The following GLRB variants were observed in gnomAD, a reference collection of about 807,000 sequenced individuals.
The protein encoded by GLRB is glycine receptor subunit beta.
A neutral mutation model predicts 54.2 loss-of-function variants in GLRB; 33 were observed. That is an observed-to-expected ratio of 0.61 (90% confidence interval 0.46 to 0.81). The LOEUF (loss-of-function observed/expected upper bound fraction) is 0.81. Ranked by LOEUF, GLRB falls within the 40% of genes least tolerant of loss-of-function variation. GLRB has a pLI of 0.00. For missense variants in GLRB, 572 were observed against 584.6 expected (o/e 0.98, Z 0.22); for synonymous variants, 209 against 208.2 (o/e 1.00, Z -0.03).
intron 4 of GLRB, among the ~76,000 whole-genome samples, chr4:157,135,597 T>C (rs1198243538): frequency 6.6e-6 from 1 of 152,124 alleles, no homozygotes; most frequent in African/African-American, 2.4e-5. Context: ...CCTTCTGTCA[T>C]GACTGTGAGG....
intron 2 of GLRB, among the ~76,000 whole-genome samples, chr4:157,098,600 T>C (rs1199147928): frequency 1.3e-5 from 2 of 151,808 alleles, no homozygotes; most frequent in African/African-American, 4.8e-5. Context: ...ATCACTTTTT[T>C]CTCTTCTTTT....
chr4:157,088,013 A>T (rs2126441985), intron 2 of GLRB, among the ~76,000 whole-genome samples: 1 of 152,256 alleles, frequency 6.6e-6, no homozygotes, highest in Admixed American at 6.5e-5. Context: ...ATGTACATAC[A>T]AATGGTTCCT....
At chr4:157,148,088 G>T (rs1736883866) in intron 8 of GLRB, among the ~76,000 whole-genome samples, 1 of 152,134 alleles carries the variant, frequency 6.6e-6, no homozygotes, top group South Asian at 2.1e-4. Flanking sequence ...TTAAACAGTT[G>T]TGTGGGCTAC....
At chr4:157,105,495 G>T (rs1010325208) in intron 2 of GLRB, among the ~76,000 whole-genome samples, 3 of 151,960 alleles carry the variant, frequency 2.0e-5, no homozygotes, top group African/African-American at 7.2e-5. Context: ...TAGTTCTTCT[G>T]CTGTTGGATG....
At chr4:157,108,533 G>A (rs780198928) in intron 2 of GLRB, among the ~76,000 whole-genome samples, 106 of 152,036 alleles carry the variant, frequency 7.0e-4, no homozygotes, top group Non-Finnish European at 3.7e-4. Flanking sequence ...AATTAAAACT[G>A]GAACCTGAAA....
At chr4:157,156,694 C>A (rs915908978) in intron 9 of GLRB, among the ~76,000 whole-genome samples, 5 of 151,808 alleles carry the variant, frequency 3.3e-5, no homozygotes, top group African/African-American at 1.2e-4. Flanking sequence ...TTCATTTGTT[C>A]CAATCATGTT....
chr4:157,090,171 G>A (rs1468728193), intron 2 of GLRB, among the ~76,000 whole-genome samples: 6 of 152,126 alleles, frequency 3.9e-5, no homozygotes, highest in African/African-American at 1.4e-4. Context: ...CCTAGAGCAT[G>A]TTTAGGGACA....
intron 2 of GLRB, among the ~76,000 whole-genome samples, chr4:157,091,936 A>G (rs1579189308): frequency 6.6e-6 from 1 of 151,982 alleles, no homozygotes; most frequent in Non-Finnish European, 1.5e-5. Context: ...TACTCTATGA[A>G]CTCCCTGCCA....
intron 9 of GLRB, among the ~76,000 whole-genome samples, chr4:157,153,321 A>G (rs572534723): frequency 6.6e-5 from 10 of 152,282 alleles, no homozygotes; most frequent in Non-Finnish European, 1.2e-4. Flanking sequence ...ACCTTGCTGG[A>G]TGGAGCACAG....
intron 4 of GLRB, among the ~76,000 whole-genome samples, chr4:157,129,593 T>C (rs1051710167): frequency 6.6e-6 from 1 of 151,754 alleles, no homozygotes; most frequent in Non-Finnish European, 1.5e-5. Flanking sequence ...TAGAAAAGAA[T>C]CTTTGAAGCA....
intron 4 of GLRB, among the ~76,000 whole-genome samples, chr4:157,135,745 CA>C (rs1018050610): frequency 7.6e-4 from 115 of 152,194 alleles, no homozygotes; most frequent in African/African-American, 2.7e-3. Context: ...GTGTATATTT[CA>C]AGGAAGATTT....
chr4:157,160,117 G>C (rs956032106), intron 9 of GLRB, among the ~76,000 whole-genome samples: 10 of 152,122 alleles, frequency 6.6e-5, no homozygotes, highest in African/African-American at 2.4e-4. Context: ...TAGTTTATTT[G>C]TGTAGAGGTG....
rs1737073395 is a variant in GLRB at position 157,152,774 on chromosome 4, C to T, written c.961C>T (p.Pro321Ser). 2 of 1,613,778 alleles carry T rather than the reference C, an allele frequency of 1.2e-6. No homozygotes were observed. Among genetic ancestry groups the T allele is most frequent in the Non-Finnish European group, 1.7e-6 (2 of 1,179,742 alleles). The change falls in exon 9 of 10, where the codon CCC becomes TCC. Residue 321 changes from proline to serine, a missense_variant. Transcript: ENST00000264428. ...SECTTLAAELPKVSYVKALDV... is the reference protein window; with the variant it reads ...SECTTLAAELSKVSYVKALDV... Reference sequence around the variant, plus strand: ...GTGCACAACCCTTGCCGCTGAGCTTCCCAAAGTTTCCTATGTGAAGGCTCT... The same window carrying T: ...GTGCACAACCCTTGCCGCTGAGCTTTCCAAAGTTTCCTATGTGAAGGCTCT...
At chr4:157,166,501 C>G (rs1172831585) in intron 9 of GLRB, among the ~76,000 whole-genome samples, 2 of 151,930 alleles carry the variant, frequency 1.3e-5, no homozygotes, top group Non-Finnish European at 2.9e-5. Flanking sequence ...AGGAGACTAG[C>G]CAACTACTTA....
At chr4:157,094,611 C>G (rs1332898483) in intron 2 of GLRB, among the ~76,000 whole-genome samples, 1 of 152,068 alleles carries the variant, frequency 6.6e-6, no homozygotes, top group Non-Finnish European at 1.5e-5. Context: ...TAAAGGCCAA[C>G]AAAAATTTGT....
intron 9 of GLRB, among the ~76,000 whole-genome samples, chr4:157,157,797 CAT>C (rs528172109): frequency 1.1e-3 from 175 of 152,310 alleles, no homozygotes; most frequent in African/African-American, 3.7e-3. Context: ...CCGCAATAAA[CAT>C]ATGTGTGCAT....
intron 9 of GLRB, among the ~76,000 whole-genome samples, chr4:157,157,425 T>C (rs1737274880): frequency 6.6e-6 from 1 of 152,162 alleles, no homozygotes; most frequent in Non-Finnish European, 1.5e-5. Flanking sequence ...TGTGCCATGT[T>C]GGTGTGCTGC....
At chr4:157,077,686 A>G (rs1734086478) in intron 1 of GLRB, among the ~76,000 whole-genome samples, 1 of 151,436 alleles carries the variant, frequency 6.6e-6, no homozygotes, top group Admixed American at 6.6e-5. Context: ...ATTCAATATC[A>G]ATTTATAATT....
At chr4:157,138,717 C>G in intron 6 of GLRB, 92 bp from the exon 7 acceptor site, 1 of 717,992 alleles carries the variant, frequency 1.4e-6, no homozygotes, top group East Asian at 2.8e-5. Flanking sequence ...TATTTTCTTT[C>G]CTTTGCTATG....
Sources: allele counts gnomAD v4.1 joint callset (sites outside exome capture counted in the v4.1 genomes callset), GRCh38; gene constraint gnomAD v4.1.1; transcripts MANE v1.5; gene names NCBI Gene and HGNC (gene_info 2026-07-23, HGNC 2026-07-21).